The following TSKS variants were observed in gnomAD, a reference collection of about 807,000 sequenced individuals.
The protein encoded by TSKS is testis specific serine kinase substrate.
A neutral mutation model predicts 68.0 loss-of-function variants in TSKS; 27 were observed. That is an observed-to-expected ratio of 0.40 (90% confidence interval 0.29 to 0.55). TSKS has a LOEUF of 0.55. Among genes scored for constraint, TSKS ranks in the 20% least tolerant of loss-of-function variants. The pLI is 0.53. For synonymous variants in TSKS, 331 were observed against 340.4 expected, an observed-to-expected ratio of 0.97 and a Z score of 0.30; for missense variants, 806 against 776.0, an observed-to-expected ratio of 1.04 and a Z score of -0.46.
At chr19:49,750,384 G>A (rs919553566) in intron 2 of TSKS, among the ~76,000 whole-genome samples, 4 of 150,822 alleles carry the variant, frequency 2.7e-5, no homozygotes, top group African/African-American at 4.9e-5. Context: ...TCAGCCTCCC[G>A]AATAGCTGGG....
chr19:49,755,799 G>C (rs1445798025), intron 2 of TSKS, among the ~76,000 whole-genome samples: 2 of 151,918 alleles, frequency 1.3e-5, no homozygotes, highest in African/African-American at 4.8e-5. Context: ...TTAGGAGTTT[G>C]AAACCAGCCT....
At chr19:49,752,649 G>T (rs750762741) in intron 2 of TSKS, among the ~76,000 whole-genome samples, 1 of 152,168 alleles carries the variant, frequency 6.6e-6, no homozygotes, top group South Asian at 2.1e-4. Flanking sequence ...AAAATTTTAC[G>T]CTTGTTTTAA....
chr19:49,744,864 A>G (rs993964615), intron 7 of TSKS, among the ~76,000 whole-genome samples: 2 of 152,150 alleles, frequency 1.3e-5, no homozygotes, highest in Non-Finnish European at 2.9e-5. Context: ...TGCTGGGATT[A>G]TAGATGTGAG....
Position 49,741,796 on chromosome 19 carries a change from C to T in TSKS, c.1497+89G>A, listed in dbSNP as rs566614488. 17 of 1,577,964 alleles carry T rather than the reference C, an allele frequency of 1.1e-5. No homozygotes were observed. In the East Asian group the frequency reaches 1.3e-4, roughly 13 times the overall value. ...GCTCAGCCCTTCCCCTTCTGCCACA[C>T]ACCAGCAGTACCCTTGAGTCCGGGG... On this transcript the variant is annotated intron_variant, in intron 9 of 10. Coordinates refer to ENST00000246801, the MANE Select transcript of TSKS (RefSeq NM_021733.2).
chr19:49,745,463 G>T, intron 6 of TSKS, 67 bp from the exon 7 acceptor site: 1 of 1,340,184 alleles, frequency 7.5e-7, no homozygotes, highest in Non-Finnish European at 9.9e-7. Flanking sequence ...ACCCCCACGA[G>T]ATAGGTGGGA....
In TSKS at chr19:49,747,067, C is replaced by T. The variant is rs1356548676; in HGVS notation, c.664-269G>A. The T allele has an allele frequency of 2.1e-6, 3 of 1,412,232 alleles. No homozygotes were observed. In the African/African-American group the frequency reaches 4.3e-5, roughly 20 times the overall value. 87.5% of individuals were successfully genotyped at this position (1,412,232 alleles called of 1,614,324 possible). On this transcript the variant is annotated intron_variant, in intron 5 of 10. Transcript: ENST00000246801. ...CCAGGCGTCAAATACCAGTCCCGGC[C>T]ACTTGGCAAGAACAACTGAAGCTTT... is the stretch of plus-strand genomic sequence containing the variant.
At chr19:49,758,018 G>A (rs2084406819) in intron 2 of TSKS, among the ~76,000 whole-genome samples, 1 of 150,802 alleles carries the variant, frequency 6.6e-6, no homozygotes, top group Non-Finnish European at 1.5e-5. Flanking sequence ...AGCCTCCCGA[G>A]TAGCTGGGAT....
intron 6 of TSKS, 118 bp from the exon 7 acceptor site, chr19:49,745,514 G>T: frequency 1.2e-6 from 1 of 868,078 alleles, no homozygotes; most frequent in Non-Finnish European, 1.6e-6. Flanking sequence ...CATGCCCGTG[G>T]CTCCAGACCC....
At chr19:49,762,950 C>G (rs548811771) in intron 1 of TSKS, 128 bp downstream of exon 1, 5 of 1,245,226 alleles carry the variant, frequency 4.0e-6, no homozygotes, top group Admixed American at 4.9e-5. Flanking sequence ...CACTGCTGCC[C>G]TCTTTCCTGC....
At position 49,762,243 on chromosome 19, in the gene TSKS, G is replaced by A. The variant is rs765209453; in HGVS notation, c.171-11C>T. ...ATCTGGGGCTCCACCCTGCAGAGAA[G>A]AAACAGGCAGAAAAGTGGAGAAGCA... is the stretch of plus-strand genomic sequence containing the variant. On this transcript the variant is annotated splice_polypyrimidine_tract_variant and intron_variant, in intron 1 of 10. Coordinates refer to ENST00000246801, the MANE Select transcript of TSKS (RefSeq NM_021733.2). 1.2e-6 allele frequency: 2 copies of A among 1,609,266 alleles called. No individual in the cohort carries two copies. The highest frequency in any genetic ancestry group is 3.4e-5 in the Admixed American group (2 of 59,606).
chr19:49,741,772 C>T (rs773309044), intron 9 of TSKS, 113 bp downstream of exon 9: 16 of 1,471,334 alleles, frequency 1.1e-5, no homozygotes, highest in Admixed American at 5.2e-5. Context: ...CTGCTCCCAG[C>T]TCAGCCCTTC....
Position 49,761,997 on chromosome 19 carries a change from C to T in TSKS, c.399+7G>A, listed in dbSNP as rs202145409. On this transcript the variant is annotated splice_region_variant and intron_variant, in intron 2 of 10. Transcript: ENST00000246801. ...CCTCCCCAGCGGGTGGTGTGGAGGG[C>T]CCTCACCAGGATTTCCGTGATGTCT... is the stretch of plus-strand genomic sequence containing the variant. 104 of 1,606,652 alleles carry T rather than the reference C, an allele frequency of 6.5e-5. 1 individual carries two copies. The highest frequency in any genetic ancestry group is 2.5e-4 in the East Asian group (11 of 44,776).
At chr19:49,743,682 A>C (rs981988273) in intron 8 of TSKS, among the ~76,000 whole-genome samples, 1 of 148,584 alleles carries the variant, frequency 6.7e-6, no homozygotes, top group Non-Finnish European at 1.5e-5. Flanking sequence ...TTGTATTTTT[A>C]GTAGAGACGG....
chr19:49,754,261 G>A (rs907279027), intron 2 of TSKS, among the ~76,000 whole-genome samples: 14 of 151,146 alleles, frequency 9.3e-5, no homozygotes, highest in African/African-American at 3.4e-4. Flanking sequence ...CACTTTGGGA[G>A]GCCAAGGCAG....
chr19:49,748,425 G>A lies in TSKS; in HGVS notation c.444C>T (p.Thr148=). 2 of 1,614,238 alleles carry A rather than the reference G, an allele frequency of 1.2e-6. No homozygotes were observed. The highest frequency in any genetic ancestry group is 1.7e-6 in the Non-Finnish European group (2 of 1,180,036). The change falls in exon 3 of 11, where the codon ACC becomes ACT. Residue 148 remains threonine (T), a synonymous_variant. Transcript: ENST00000246801. ...SGLVRAKDSI[T]SLKEKTNRVN... ...CCCGGTTGGTCTTTTCCTTCAAGCT[G>A]GTGATGGAGTCTTTGGCGCGGACCA...
At chr19:49,753,412 A>C (rs1032267081) in intron 2 of TSKS, among the ~76,000 whole-genome samples, 49 of 152,050 alleles carry the variant, frequency 3.2e-4, no homozygotes, top group African/African-American at 1.1e-3. Context: ...AATACAAAAA[A>C]TTAGCTGGAC....
At chr19:49,762,366 C>T (rs1273635) in intron 1 of TSKS, 134 bp from the exon 2 acceptor site, 11,874 of 623,876 alleles carry the variant, frequency 0.019, 381 homozygotes, top group East Asian at 0.1. Context: ...TCTCTGTCCC[C>T]GCTGCCTACT....
chr19:49,760,750 A>C lies in TSKS; in HGVS notation c.399+1254T>G, dbSNP rs192473217. 2.0e-3 allele frequency among the ~76,000 whole-genome samples: 306 copies of C among 152,096 alleles called. 2 individuals carry two copies. The highest frequency in any genetic ancestry group is 7.0e-3 in the African/African-American group (290 of 41,506). ...GGCTGCAGTGAGTTGTGATTGTGCC[A>C]CTGCACTCCAGCCTGGGAGACAGAG... On this transcript the variant is annotated intron_variant, in intron 2 of 10. Coordinates refer to ENST00000246801, the MANE Select transcript of TSKS (RefSeq NM_021733.2).
intron 2 of TSKS, among the ~76,000 whole-genome samples, chr19:49,761,696 G>T (rs67006152): frequency 6.6e-6 from 1 of 152,188 alleles, no homozygotes; most frequent in African/African-American, 2.4e-5. Context: ...AGGCACGGGG[G>T]CTCTCGCCTG....
Sources: gnomAD v4.1 joint callset for allele counts (sites outside exome capture counted in the v4.1 genomes callset) on GRCh38, gnomAD v4.1.1 for gene constraint, MANE v1.5 for transcripts, NCBI Gene and HGNC (gene_info 2026-07-23, HGNC 2026-07-21) for gene names.